The following MTAP variants were observed in gnomAD, a reference collection of about 807,000 sequenced individuals.
MTAP encodes methylthioadenosine phosphorylase.
MTAP carries 33 observed loss-of-function variants against 33.6 expected under a neutral mutation model. The ratio of observed to expected loss-of-function variants is 0.98; its 90% CI spans 0.74 to 1.31. The LOEUF (loss-of-function observed/expected upper bound fraction) is 1.31. Ranked by LOEUF, MTAP falls within the 40% of genes most tolerant of loss-of-function variation. The pLI is 0.00. For missense variants in MTAP, 367 were observed against 360.0 expected, an observed-to-expected ratio of 1.02 and a Z score of -0.16; for synonymous variants, 148 against 125.7, an observed-to-expected ratio of 1.18 and a Z score of -1.19.
At chr9:21,880,432 A>G (rs1817987714) in intron 1 of MTAP, among the ~76,000 whole-genome samples, 1 of 152,152 alleles carries the variant, frequency 6.6e-6, no homozygotes, top group African/African-American at 2.4e-5. Flanking sequence ...AATAAAAGCC[A>G]TCTAGATTGG....
Position 21,874,445 on chromosome 9 carries a change from T to C in MTAP, c.147+19575T>C, listed in dbSNP as rs556061591. Among the ~76,000 whole-genome samples the C allele has an allele frequency of 7.2e-5, 11 of 152,328 alleles. No homozygotes were observed. The East Asian group carries it at 2.1e-3, about 29-fold the overall frequency. On this transcript the variant is annotated intron_variant, in intron 1 of 1. Transcript: ENST00000577563. ...CCAAGTAAAGTCTATACATTGCAAT[T>C]GGTTAATACATATTTTGTGTTTCTT...
chr9:21,819,091 C>T (rs1021019976), intron 4 of MTAP, among the ~76,000 whole-genome samples: 2 of 150,280 alleles, frequency 1.3e-5, no homozygotes, highest in African/African-American at 4.9e-5. Context: ...GTTGCGTTCT[C>T]TTTTAAGGCT....
At chr9:21,886,820 A>G (rs932489350) in intron 1 of MTAP, among the ~76,000 whole-genome samples, 1 of 152,128 alleles carries the variant, frequency 6.6e-6, no homozygotes, top group African/African-American at 2.4e-5. Context: ...TACCAGTACC[A>G]TGCTGTTTTG....
chr9:21,823,491 C>T (rs1406661334), intron 4 of MTAP, among the ~76,000 whole-genome samples: 1 of 152,234 alleles, frequency 6.6e-6, no homozygotes, highest in Non-Finnish European at 1.5e-5. Context: ...TGCTTTTAGT[C>T]TGATGGGCTT....
chr9:21,891,166 A>G (rs1428282424), intron 1 of MTAP, among the ~76,000 whole-genome samples: 3 of 152,204 alleles, frequency 2.0e-5, no homozygotes, highest in Non-Finnish European at 4.4e-5. Flanking sequence ...CGAAGATTCA[A>G]GAAACATCAA....
chr9:21,895,481 C>A (rs1248240023), intron 1 of MTAP, among the ~76,000 whole-genome samples: 1 of 152,292 alleles, frequency 6.6e-6, no homozygotes, highest in Middle Eastern at 3.4e-3. Context: ...GCTTGTCAGA[C>A]AGTGGGTGCA....
At chr9:21,876,783 G>A (rs866348783) in intron 1 of MTAP, among the ~76,000 whole-genome samples, 9 of 152,104 alleles carry the variant, frequency 5.9e-5, no homozygotes, top group East Asian at 1.9e-4. Flanking sequence ...ATTATAGTTC[G>A]AAGTTGGGCA....
At chr9:21,871,203 A>G (rs56809690), downstream of MTAP, among the ~76,000 whole-genome samples, 3,891 of 152,280 alleles carry the variant, frequency 0.026, 154 homozygotes, top group African/African-American at 0.086. Context: ...AATTTAACTT[A>G]ATTAAAACTA....
chr9:21,872,798 A>G (rs1225861202), intron 1 of MTAP, among the ~76,000 whole-genome samples: 1 of 152,156 alleles, frequency 6.6e-6, no homozygotes, highest in African/African-American at 2.4e-5. Flanking sequence ...CTGTAGACAG[A>G]TCAGACCTTT....
chr9:21,888,976 G>C (rs1818156484), intron 1 of MTAP, among the ~76,000 whole-genome samples: 1 of 151,976 alleles, frequency 6.6e-6, no homozygotes, highest in Non-Finnish European at 1.5e-5. Flanking sequence ...AGAGAGTGGG[G>C]TCCTATCTTT....
At chr9:21,810,919 G>A (rs899270038) in intron 1 of MTAP, among the ~76,000 whole-genome samples, 1 of 152,188 alleles carries the variant, frequency 6.6e-6, no homozygotes, top group Admixed American at 6.5e-5. Context: ...GAGACAGTTG[G>A]TTGCTCCCTC....
At chr9:21,912,369 T>A (rs186039990) in intron 1 of MTAP, among the ~76,000 whole-genome samples, 79 of 152,302 alleles carry the variant, frequency 5.2e-4, no homozygotes, top group Middle Eastern at 3.4e-3. Context: ...TGAACATCGA[T>A]GCAAAAATCC....
intron 1 of MTAP, among the ~76,000 whole-genome samples, chr9:21,908,583 T>A (rs1025191521): frequency 1.3e-5 from 2 of 152,164 alleles, no homozygotes; most frequent in African/African-American, 4.8e-5. Context: ...ATCATGTTTT[T>A]AAATCCGCTC....
intron 1 of MTAP, among the ~76,000 whole-genome samples, chr9:21,909,825 C>G (rs1818540619): frequency 6.6e-6 from 1 of 152,114 alleles, no homozygotes; most frequent in Admixed American, 6.5e-5. Context: ...ATACTAATTT[C>G]CCCACTTTAT....
Position 21,854,676 on chromosome 9 carries a change from A to G in MTAP, c.496A>G (p.Lys166Glu), listed in dbSNP as rs746172615. The G allele has an allele frequency of 1.9e-6, 3 of 1,611,466 alleles. No individual in the cohort carries two copies. The East Asian group carries it at 6.7e-5, about 36-fold the overall frequency. ...AKKLGLRCHS[K>E]GTMVTIEGPR... Reference sequence around the variant, plus strand: ...GAAGCTAGGACTCCGGTGCCACTCAAAGGGGACAATGGTCACAATCGAGGG... The same window carrying G: ...GAAGCTAGGACTCCGGTGCCACTCAGAGGGGACAATGGTCACAATCGAGGG... The change falls in exon 6 of 8, where the codon AAG (lysine) becomes GAG (glutamate). Residue 166 changes from lysine to glutamate, a missense_variant. Transcript: ENST00000644715.
intron 1 of MTAP, among the ~76,000 whole-genome samples, chr9:21,906,519 A>C (rs769601170): frequency 2.6e-4 from 40 of 152,090 alleles, no homozygotes; most frequent in Non-Finnish European, 5.4e-4. Context: ...AAGATGCAAG[A>C]GGACTGAAGG....
At chr9:21,896,127 A>G (rs991179882) in intron 1 of MTAP, among the ~76,000 whole-genome samples, 14 of 152,228 alleles carry the variant, frequency 9.2e-5, no homozygotes, top group Non-Finnish European at 2.1e-4. Context: ...CTGCTCAACT[A>G]CATGGAAACT....
chr9:21,890,881 G>A (rs139834021), intron 1 of MTAP, among the ~76,000 whole-genome samples: 3 of 152,196 alleles, frequency 2.0e-5, no homozygotes, highest in Non-Finnish European at 1.5e-5. Context: ...TCTTGTGGTC[G>A]TTCTTGGAGC....
intron 4 of MTAP, among the ~76,000 whole-genome samples, chr9:21,828,151 G>A (rs1303425610): frequency 2.6e-5 from 4 of 152,200 alleles, no homozygotes; most frequent in African/African-American, 9.7e-5. Context: ...ATCTTAGCCA[G>A]GTAACCTTAA....
Sources: gnomAD v4.1 joint callset for allele counts (sites outside exome capture counted in the v4.1 genomes callset) on GRCh38, gnomAD v4.1.1 for gene constraint, MANE v1.5 for transcripts, NCBI Gene and HGNC (gene_info 2026-07-23, HGNC 2026-07-21) for gene names.